The following MGAT5 variants were observed in gnomAD, a reference collection of about 807,000 sequenced individuals.
MGAT5 encodes the protein alpha-1,6-mannosylglycoprotein 6-beta-N-acetylglucosaminyltransferase A.
MGAT5 carries 30 observed loss-of-function variants against 94.3 expected under a neutral mutation model. That is an observed-to-expected ratio of 0.32 (90% confidence interval 0.24 to 0.43). The LOEUF (loss-of-function observed/expected upper bound fraction) is 0.43, where lower values mean the gene tolerates loss of function less well. Ranked by LOEUF, MGAT5 falls within the 20% of genes least tolerant of loss-of-function variation. The pLI, the probability that MGAT5 is intolerant of heterozygous loss-of-function variation, is 1.00. For synonymous variants in MGAT5, 310 were observed against 322.9 expected (o/e 0.96, Z 0.43); for missense variants, 691 against 905.5 (o/e 0.76, Z 3.04).
chr2:134,179,966 C>T (rs1215954021), intron 1 of MGAT5, among the ~76,000 whole-genome samples: 1 of 152,192 alleles, frequency 6.6e-6, no homozygotes, highest in Non-Finnish European at 1.5e-5. Flanking sequence ...ATCCTCACTG[C>T]TCACTACAGG....
In MGAT5 at chr2:134,345,783, T is replaced by C. The variant is rs562134152; in HGVS notation, c.1112+719T>C. On this transcript the variant is annotated intron_variant, in intron 8 of 15. Transcript: ENST00000281923. ...TCCGACACTACTTTTAACACATGCA[T>C]TTTTAACAATGTGAGAGTAGCTGTG... Among the ~76,000 whole-genome samples the C allele has an allele frequency of 1.2e-4, 19 of 152,314 alleles. 1 individual carries two copies. The highest frequency in any genetic ancestry group is 4.6e-4 in the African/African-American group (19 of 41,576).
chr2:134,183,161 G>A (rs1357630747), intron 1 of MGAT5, among the ~76,000 whole-genome samples: 1 of 152,098 alleles, frequency 6.6e-6, no homozygotes, highest in Non-Finnish European at 1.5e-5. Flanking sequence ...CCCAAATGTG[G>A]CAATTAAACA....
At chr2:134,249,098 T>C (rs960163253), upstream of MGAT5, among the ~76,000 whole-genome samples, 2 of 152,122 alleles carry the variant, frequency 1.3e-5, no homozygotes, top group Non-Finnish European at 2.9e-5. Context: ...GCTAGGCCCA[T>C]GGCCAGCCCT....
chr2:134,246,440 C>T (rs970704306), intron 1 of MGAT5, among the ~76,000 whole-genome samples: 3 of 152,216 alleles, frequency 2.0e-5, no homozygotes, highest in Non-Finnish European at 4.4e-5. Context: ...GAAGAGAAAG[C>T]TGCTTTGCCT....
chr2:134,353,153 T>C (rs137959434), intron 9 of MGAT5, among the ~76,000 whole-genome samples: 2 of 152,230 alleles, frequency 1.3e-5, no homozygotes, highest in African/African-American at 4.8e-5. Context: ...ACTGAACACT[T>C]AAAAAAGGTT....
At chr2:134,311,359 C>A (rs570333676) in intron 2 of MGAT5, among the ~76,000 whole-genome samples, 2 of 152,208 alleles carry the variant, frequency 1.3e-5, no homozygotes, top group Non-Finnish European at 1.5e-5. Flanking sequence ...AGTTAATGGA[C>A]CTGTGTTCTA....
At chr2:134,198,256 C>T (rs903364963) in intron 1 of MGAT5, among the ~76,000 whole-genome samples, 2 of 152,206 alleles carry the variant, frequency 1.3e-5, no homozygotes, top group Non-Finnish European at 1.5e-5. Context: ...AGTTGCCCTC[C>T]CTGAACTTTG....
rs1316893254 is a variant in MGAT5, at chr2:134,451,242, C to T, written c.*2395C>T. 1.3e-5 allele frequency: 2 copies of T among 152,274 alleles called. No individual in the cohort carries two copies. The highest frequency in any genetic ancestry group is 2.9e-5 in the Non-Finnish European group (2 of 68,098). The allele number at this position is 152,274 out of a possible 1,614,324, so 9.4% of individuals were successfully genotyped here. A position where few individuals can be genotyped will look rare whatever the true frequency, so the allele number is the denominator to read the frequency against. ...CTTCCCCTTCTTTTCCAAGTCACAA[C>T]CCGCCCTGCCCGGGCCAGACAGCCC... On this transcript the variant is annotated 3_prime_UTR_variant, in exon 16 of 16. Transcript: ENST00000281923.
chr2:134,395,143 A>G (rs1419578122), intron 10 of MGAT5, among the ~76,000 whole-genome samples: 1 of 152,234 alleles, frequency 6.6e-6, no homozygotes, highest in Non-Finnish European at 1.5e-5. Flanking sequence ...CATGCCAATC[A>G]GAGTAGATGA....
chr2:134,297,881 GT>G (rs1177885856), intron 2 of MGAT5, among the ~76,000 whole-genome samples: 29 of 151,878 alleles, frequency 1.9e-4, no homozygotes, highest in African/African-American at 6.8e-4. Context: ...ATCATTCTCT[GT>G]ATCCTTGTGT....
At chr2:134,313,069 CACACACACACACACACACACACAT>C (rs1227721764) in intron 2 of MGAT5, among the ~76,000 whole-genome samples, 6 of 148,182 alleles carry the variant, frequency 4.0e-5, no homozygotes, top group African/African-American at 7.6e-5. Context: ...CACACACACA[CACACACACACACACACACACACAT>C]ATCTGTCTGG....
chr2:134,353,008 A>T (rs181003105), intron 9 of MGAT5, among the ~76,000 whole-genome samples: 50 of 152,344 alleles, frequency 3.3e-4, no homozygotes, highest in African/African-American at 1.1e-3. Flanking sequence ...AGTCAAAATC[A>T]TAGAAGCAGA....
Position 134,449,638 on chromosome 2 carries a change from A to G in MGAT5, c.*791A>G, listed in dbSNP as rs1685991351. The G allele has an allele frequency of 6.6e-6, 1 of 152,180 alleles. No individual in the cohort carries two copies. The highest frequency in any genetic ancestry group is 2.1e-4 in the South Asian group (1 of 4,834). The allele number at this position is 152,180 out of a possible 1,614,324, so 9.4% of individuals were successfully genotyped here. ...ATGCCCAGACACATACCTTGGCCGT[A>G]ATTTCTTTTAGAATCCCTTTGGGAA... On this transcript the variant is annotated 3_prime_UTR_variant, in exon 16 of 16. Transcript: ENST00000281923.
chr2:134,444,408 A>T (rs1258207550), intron 15 of MGAT5, among the ~76,000 whole-genome samples: 1 of 151,834 alleles, frequency 6.6e-6, no homozygotes, highest in Non-Finnish European at 1.5e-5. Context: ...TCTTAGCAGG[A>T]GGCTAGAATG....
At chr2:134,359,958 G>T (rs1343219076) in intron 9 of MGAT5, among the ~76,000 whole-genome samples, 2 of 152,170 alleles carry the variant, frequency 1.3e-5, no homozygotes, top group African/African-American at 2.4e-5. Flanking sequence ...CCCTTATGTG[G>T]TCAAGGTTTA....
intron 9 of MGAT5, among the ~76,000 whole-genome samples, chr2:134,357,327 C>G (rs570753095): frequency 3.7e-4 from 57 of 152,296 alleles, no homozygotes; most frequent in Non-Finnish European, 6.5e-4. Context: ...TAATGATTGT[C>G]AGTATCATTG....
chr2:134,365,762 T>G (rs570991259), intron 10 of MGAT5, among the ~76,000 whole-genome samples: 46 of 152,256 alleles, frequency 3.0e-4, no homozygotes, highest in South Asian at 8.3e-4. Flanking sequence ...ACTCTGGTCT[T>G]GCAGTATCTA....
chr2:134,328,018 C>A (rs1185786382), intron 4 of MGAT5, among the ~76,000 whole-genome samples: 1 of 152,050 alleles, frequency 6.6e-6, no homozygotes, highest in East Asian at 1.9e-4. Context: ...GTGAGAGTTG[C>A]TATAGAAAGT....
At chr2:134,243,080 G>A (rs1682055728) in intron 1 of MGAT5, among the ~76,000 whole-genome samples, 1 of 151,720 alleles carries the variant, frequency 6.6e-6, no homozygotes, top group Admixed American at 6.6e-5. Flanking sequence ...TTCTAGAATG[G>A]ATCACATTTT....
Sources: gnomAD v4.1 joint callset for allele counts (sites outside exome capture counted in the v4.1 genomes callset) on GRCh38, gnomAD v4.1.1 for gene constraint, MANE v1.5 for transcripts, NCBI Gene and HGNC (gene_info 2026-07-23, HGNC 2026-07-21) for gene names.